LITAF: variants seen among roughly 807,000 people sequenced by gnomAD.
LITAF encodes lipopolysaccharide-induced tumor necrosis factor-alpha factor.
A neutral mutation model predicts 14.5 loss-of-function variants in LITAF; 9 were observed. That is an observed-to-expected ratio of 0.62 (90% CI 0.37 to 1.08). The LOEUF (loss-of-function observed/expected upper bound fraction) is 1.08, where lower values mean the gene tolerates loss of function less well. Ranked by LOEUF, LITAF falls within the 50% of genes least tolerant of loss-of-function variation. LITAF has a pLI of 0.01. For synonymous variants in LITAF, 98 were observed against 88.2 expected (o/e 1.11, Z -0.62); for missense variants, 206 against 213.4 (o/e 0.97, Z 0.22).
chr16:11,560,552 C>T (rs2141736463), intron 1 of LITAF, among the ~76,000 whole-genome samples: 1 of 148,406 alleles, frequency 6.7e-6, no homozygotes, highest in African/African-American at 2.5e-5. Context: ...CACTGCACTC[C>T]AGCCTGGGCC....
At chr16:11,624,561 T>C (rs1365593787) in intron 3 of LITAF, among the ~76,000 whole-genome samples, 1 of 152,254 alleles carries the variant, frequency 6.6e-6, no homozygotes, top group East Asian at 1.9e-4. Context: ...GTGAGTTCTA[T>C]GACATCTTGC....
At chr16:11,591,714 C>G (rs1028844827), upstream of LITAF, among the ~76,000 whole-genome samples, 2 of 152,078 alleles carry the variant, frequency 1.3e-5, no homozygotes, top group Admixed American at 1.3e-4. Flanking sequence ...GATCTTGGCT[C>G]ACTGCAACAT....
intron 3 of LITAF, among the ~76,000 whole-genome samples, chr16:11,610,310 A>G (rs1028733914): frequency 6.6e-6 from 1 of 152,238 alleles, no homozygotes; most frequent in Admixed American, 6.5e-5. Context: ...CTCCAGGCCA[A>G]GAATGTCCGG....
In LITAF at chr16:11,630,510, T is replaced by C. The variant is rs182767234; in HGVS notation, c.85+3023A>G. 5.3e-5 allele frequency among the ~76,000 whole-genome samples: 8 copies of C among 151,630 alleles called. No homozygotes were observed. The East Asian group carries it at 1.6e-3, about 29-fold the overall frequency. ...TGCTCCAGGCACACAGGAGTCCCTGTTGCTCCACAGCTTCAGGTCTCTCTG... is the reference window on the plus strand; with the variant it reads ...TGCTCCAGGCACACAGGAGTCCCTGCTGCTCCACAGCTTCAGGTCTCTCTG... On this transcript the variant is annotated intron_variant, in intron 3 of 3. Coordinates refer to the LITAF transcript ENST00000574848.
upstream of LITAF, among the ~76,000 whole-genome samples, chr16:11,589,341 G>A (rs2064834987): frequency 6.6e-6 from 1 of 152,170 alleles, no homozygotes; most frequent in Non-Finnish European, 1.5e-5. Flanking sequence ...ACACTTAATG[G>A]TAAAAGACTG....
chr16:11,565,114 G>A (rs1438173964), intron 1 of LITAF, among the ~76,000 whole-genome samples: 5 of 138,362 alleles, frequency 3.6e-5, no homozygotes, highest in Admixed American at 8.0e-5. Context: ...ACAGATTCTC[G>A]CTCCGTCGCT....
At position 11,548,058 on chromosome 16, in the gene LITAF, T is replaced by C; in HGVS notation, c.*1579A>G. Reference sequence around the variant, plus strand: ...CAGGTAACACCAAAGTACTATGTGGTATCCATATTCGTTGCAAAAATGATA... The same window carrying C: ...CAGGTAACACCAAAGTACTATGTGGCATCCATATTCGTTGCAAAAATGATA... On this transcript the variant is annotated 3_prime_UTR_variant, in exon 4 of 4. Transcript: ENST00000622633. 1 of 454,134 alleles carries C rather than the reference T, an allele frequency of 2.2e-6. No homozygotes were observed. The allele number at this position is 454,134 out of a possible 1,614,324, so 28.1% of individuals were successfully genotyped here. A position where few individuals can be genotyped will look rare whatever the true frequency, so the allele number is the denominator to read the frequency against.
At position 11,556,543 on chromosome 16, in the gene LITAF, G is replaced by A; in HGVS notation, c.188C>T (p.Thr63Ile). 1.2e-6 allele frequency: 2 copies of A among 1,614,186 alleles called. No individual in the cohort carries two copies. Among genetic ancestry groups the A allele is most frequent in the Non-Finnish European group, 1.7e-6 (2 of 1,180,036 alleles). The stretch of plus-strand genomic sequence containing the variant: ...GTTATTGGGGATGGGCGCTGGCTGG[G>A]TATAATACGAAGGAGGATTCATGCC... Reference protein sequence around the residue: ...GKGMNPPSYYTQPAPIPNNNP... With the variant: ...GKGMNPPSYYIQPAPIPNNNP... The change falls in exon 2 of 4, where the codon ACC becomes ATC. Residue 63 changes from threonine (T) to isoleucine (I), a missense_variant. By Grantham distance (89) the Thr-to-Ile change is moderately conservative (BLOSUM62 -1). Coordinates refer to ENST00000622633, the MANE Select transcript of LITAF (RefSeq NM_001136472.2).
chr16:11,560,349 G>C (rs377025732), intron 1 of LITAF, among the ~76,000 whole-genome samples: 5 of 151,534 alleles, frequency 3.3e-5, no homozygotes, highest in African/African-American at 1.2e-4. Flanking sequence ...GGTGGCTCAT[G>C]CCTGTAATCC....
At chr16:11,629,296 T>G (rs2065104320) in intron 3 of LITAF, 1 of 152,290 alleles carries the variant, frequency 6.6e-6, no homozygotes, top group Non-Finnish European at 1.5e-5. Context: ...TAGTTGAGGT[T>G]CCGTAGAAGC....
At position 11,553,836 on chromosome 16, in the gene LITAF, T is replaced by C. The variant is rs144171237; in HGVS notation, c.221-147A>G. 4.5e-6 allele frequency: 4 copies of C among 893,982 alleles called. No individual in the cohort carries two copies. The highest frequency in any genetic ancestry group is 3.3e-5 in the African/African-American group (2 of 60,758). 55.4% of individuals were successfully genotyped at this position (893,982 alleles called of 1,614,324 possible). A position where few individuals can be genotyped will look rare whatever the true frequency, so the allele number is the denominator to read the frequency against. On this transcript the variant is annotated intron_variant, in intron 2 of 3. Transcript: ENST00000622633. The surrounding 1 kb of genome is among the most constrained non-coding windows in gnomAD (Gnocchi z 7.7). Reference sequence around the variant, plus strand: ...ATAGCATGCGTTCATCGTCTGGCTATCTATGAGAGCCAAAAGGGGAAGGAA... The same window carrying C: ...ATAGCATGCGTTCATCGTCTGGCTACCTATGAGAGCCAAAAGGGGAAGGAA...
chr16:11,620,049 T>A (rs897698754), intron 3 of LITAF, among the ~76,000 whole-genome samples: 2 of 151,048 alleles, frequency 1.3e-5, no homozygotes, highest in African/African-American at 4.9e-5. Context: ...GTGCCTGTAA[T>A]CCCAGCTACT....
rs1028548027 is a variant in LITAF at position 11,556,811 on chromosome 16, T to G, written c.-5-76A>C. On this transcript the variant is annotated intron_variant, in intron 1 of 3. Transcript: ENST00000622633. ...TCTCTTTTTCACCTAAGTCTTCAATTTTCTTTCTGGCAAACAGAAATTCTG... is the reference window on the plus strand; with the variant it reads ...TCTCTTTTTCACCTAAGTCTTCAATGTTCTTTCTGGCAAACAGAAATTCTG... 2.3e-6 allele frequency: 3 copies of G among 1,276,804 alleles called. No homozygotes were observed. The African/African-American group carries it at 4.4e-5, about 19-fold the overall frequency. 79.1% of individuals were successfully genotyped at this position (1,276,804 alleles called of 1,614,324 possible).
At position 11,553,083 on chromosome 16, in the gene LITAF, C is replaced by T. The variant is rs1183747599; in HGVS notation, c.377+450G>A. 6.6e-6 allele frequency among the ~76,000 whole-genome samples: 1 copy of T among 151,996 alleles called. No individual in the cohort carries two copies. Among genetic ancestry groups the T allele is most frequent in the Non-Finnish European group, 1.5e-5 (1 of 68,012 alleles). On this transcript the variant is annotated intron_variant, in intron 3 of 3. Coordinates refer to ENST00000622633, the MANE Select transcript of LITAF (RefSeq NM_001136472.2). This position sits in a 1 kb window ranked among gnomAD's most constrained non-coding sequence, Gnocchi z 7.7. The stretch of plus-strand genomic sequence containing the variant: ...TGAGCCGGGATCGTGCTACTGCACT[C>T]CAGCCTGGGCAACAGAGTGAGAATC...
At chr16:11,575,098 C>T (rs1050880175) in intron 1 of LITAF, among the ~76,000 whole-genome samples, 2 of 152,134 alleles carry the variant, frequency 1.3e-5, no homozygotes, top group African/African-American at 2.4e-5. Context: ...CCACTGCACC[C>T]GGCCTAAAGT....
At chr16:11,598,789 A>G (rs182796187), upstream of LITAF, among the ~76,000 whole-genome samples, 569 of 152,204 alleles carry the variant, frequency 3.7e-3, 10 homozygotes, top group African/African-American at 0.013. Context: ...GAGATAAAGC[A>G]GCAGGCACCG....
At chr16:11,618,534 T>C (rs2065030859) in intron 3 of LITAF, among the ~76,000 whole-genome samples, 2 of 152,184 alleles carry the variant, frequency 1.3e-5, no homozygotes, top group African/African-American at 4.8e-5. Flanking sequence ...CTGGAGAGCG[T>C]GCTTGATGGG....
At chr16:11,630,289 C>T (rs1173887476) in intron 3 of LITAF, among the ~76,000 whole-genome samples, 1 of 152,196 alleles carries the variant, frequency 6.6e-6, no homozygotes, top group African/African-American at 2.4e-5. Context: ...AAAGCTGGGT[C>T]CTCTCTGAGG....
At chr16:11,580,308 C>T (rs1364548959) in intron 1 of LITAF, among the ~76,000 whole-genome samples, 1 of 151,222 alleles carries the variant, frequency 6.6e-6, no homozygotes, top group Non-Finnish European at 1.5e-5. Context: ...CCCAGGCTGG[C>T]GTACAGTGGT....
Sources: gnomAD v4.1 joint callset for allele counts (sites outside exome capture counted in the v4.1 genomes callset) on GRCh38, gnomAD v4.1.1 for gene constraint, Gnocchi (gnomAD v3.1) non-coding constraint, MANE v1.5 for transcripts, NCBI Gene and HGNC (gene_info 2026-07-23, HGNC 2026-07-21) for gene names.